ADGRL3: variants seen among roughly 807,000 people sequenced by gnomAD.
ADGRL3 encodes calcium-independent alpha-latrotoxin receptor 3.
In ADGRL3, 62 loss-of-function variants were observed where a neutral mutation model predicts 153.5. The observed-to-expected ratio is 0.40, with a 90% CI of 0.33 to 0.50. ADGRL3 has a LOEUF of 0.50. Among genes scored for constraint, ADGRL3 ranks in the 20% least tolerant of loss-of-function variants. ADGRL3 has a pLI of 0.47. For synonymous variants in ADGRL3, 710 were observed against 672.5 expected (o/e 1.06, Z -0.86); for missense variants, 1,641 against 1,859.4 (o/e 0.88, Z 2.16).
intron 4 of ADGRL3, among the ~76,000 whole-genome samples, chr4:61,539,618 T>C (rs1391697788): frequency 6.6e-6 from 1 of 152,132 alleles, no homozygotes; most frequent in Non-Finnish European, 1.5e-5. Context: ...AACAGCGTGG[T>C]GTGCATCGTC....
At chr4:61,804,929 A>C (rs983514017) in intron 8 of ADGRL3, among the ~76,000 whole-genome samples, 2 of 145,766 alleles carry the variant, frequency 1.4e-5, no homozygotes, top group African/African-American at 5.1e-5. Context: ...GCCTTTATTT[A>C]TTTATTTATT....
At chr4:61,716,690 T>C (rs938636664) in intron 6 of ADGRL3, among the ~76,000 whole-genome samples, 1 of 152,068 alleles carries the variant, frequency 6.6e-6, no homozygotes, top group African/African-American at 2.4e-5. Flanking sequence ...ATAGATAATA[T>C]ATAGTTCACT....
chr4:61,845,499 T>TG (rs2098105570), intron 9 of ADGRL3, among the ~76,000 whole-genome samples: 1 of 151,656 alleles, frequency 6.6e-6, no homozygotes, highest in African/African-American at 2.4e-5. Context: ...TACAGGTGCA[T>TG]GCCACCATGC....
chr4:62,061,834 A>G (rs1251590811), intron 25 of ADGRL3, among the ~76,000 whole-genome samples: 1 of 152,012 alleles, frequency 6.6e-6, no homozygotes, highest in Non-Finnish European at 1.5e-5. Context: ...TGGTATGGGA[A>G]TACTACAGAT....
chr4:61,829,680 T>C (rs994444226), intron 9 of ADGRL3, among the ~76,000 whole-genome samples: 1 of 152,220 alleles, frequency 6.6e-6, no homozygotes, highest in East Asian at 1.9e-4. Flanking sequence ...TTTCATGTTA[T>C]GTGTTTTTTA....
At chr4:61,525,134 G>T (rs2152932347) in intron 4 of ADGRL3, among the ~76,000 whole-genome samples, 1 of 86,364 alleles carries the variant, frequency 1.2e-5, no homozygotes, top group South Asian at 5.4e-4. Flanking sequence ...TCAGTTAAAT[G>T]CTGTCATATT....
chr4:61,788,456 T>C (rs1454571215), intron 8 of ADGRL3, among the ~76,000 whole-genome samples: 2 of 152,076 alleles, frequency 1.3e-5, no homozygotes, highest in Non-Finnish European at 2.9e-5. Flanking sequence ...AGTCCTTCTC[T>C]CAGGAAGCCC....
At chr4:61,321,022 G>C (rs1048679318) in intron 1 of ADGRL3, among the ~76,000 whole-genome samples, 3 of 151,748 alleles carry the variant, frequency 2.0e-5, no homozygotes, top group Non-Finnish European at 2.9e-5. Flanking sequence ...GCCTTCTCTC[G>C]AGCTCTCTGT....
rs548548215 is a variant in ADGRL3, at chr4:62,071,704, G to A, written c.*796G>A. ...TGCAAGTTTGTCTACCAGTAAGAGA[G>A]CAAAGTTTCCTTCCTTTCTTCTCTT... On this transcript the variant is annotated 3_prime_UTR_variant, in exon 27 of 27. Coordinates refer to ENST00000683033, the MANE Select transcript of ADGRL3 (RefSeq NM_001387552.1). 7.0e-6 allele frequency: 3 copies of A among 425,760 alleles called. No homozygotes were observed. Among genetic ancestry groups the A allele is most frequent in the South Asian group, 3.5e-5 (2 of 56,858 alleles). The allele number at this position is 425,760 out of a possible 1,614,324, so 26.4% of individuals were successfully genotyped here.
At position 61,720,403 on chromosome 4, in the gene ADGRL3, T is replaced by A. The variant is rs562802349; in HGVS notation, c.584-10219T>A. Among the ~76,000 whole-genome samples, 4 of 152,194 alleles carry A rather than the reference T, an allele frequency of 2.6e-5. No individual in the cohort carries two copies. The South Asian group carries it at 8.3e-4, about 32-fold the overall frequency. On this transcript the variant is annotated intron_variant, in intron 6 of 26. Coordinates refer to ENST00000683033, the MANE Select transcript of ADGRL3 (RefSeq NM_001387552.1). ...ATGCCCGACTAGAGTGACACTTTTT[T>A]AAGATAAGTTATTCCTAGTTACTGA...
intron 6 of ADGRL3, 87 bp from the exon 7 acceptor site, chr4:61,730,535 G>T: frequency 2.9e-6 from 1 of 342,890 alleles, no homozygotes; most frequent in Non-Finnish European, 5.7e-6. Flanking sequence ...CAGTTTGGAA[G>T]AGGTGAATAA....
chr4:61,669,450 T>G (rs937709438), intron 5 of ADGRL3, among the ~76,000 whole-genome samples: 1 of 152,198 alleles, frequency 6.6e-6, no homozygotes, highest in Non-Finnish European at 1.5e-5. Flanking sequence ...CTATTTATGT[T>G]TTCTTCTATT....
intron 1 of ADGRL3, among the ~76,000 whole-genome samples, chr4:61,226,967 C>T (rs1420761343): frequency 9.2e-5 from 14 of 152,170 alleles, no homozygotes; most frequent in Non-Finnish European, 2.1e-4. Flanking sequence ...CATATTTAAT[C>T]TCTTTTAGAT....
chr4:61,610,945 T>C (rs2091258207), intron 5 of ADGRL3, among the ~76,000 whole-genome samples: 1 of 151,896 alleles, frequency 6.6e-6, no homozygotes, highest in Non-Finnish European at 1.5e-5. Flanking sequence ...TTTAATATTC[T>C]TAGGCATAGA....
chr4:62,071,278 G>C lies in ADGRL3; in HGVS notation c.*370G>C, dbSNP rs1296262602. The stretch of plus-strand genomic sequence containing the variant: ...AATTACAAGGACCTGCTTTTTAAAA[G>C]GCCAGAACAATTGTCTGAAATTAGT... On this transcript the variant is annotated 3_prime_UTR_variant, in exon 27 of 27. Coordinates refer to ENST00000683033, the MANE Select transcript of ADGRL3 (RefSeq NM_001387552.1). The C allele has an allele frequency of 5.5e-6, 1 of 181,756 alleles. No individual in the cohort carries two copies. Among genetic ancestry groups the C allele is most frequent in the Non-Finnish European group, 1.2e-5 (1 of 85,566 alleles). 11.3% of individuals were successfully genotyped at this position (181,756 alleles called of 1,614,324 possible).
chr4:61,554,255 G>T (rs376138605), intron 4 of ADGRL3, among the ~76,000 whole-genome samples: 4 of 151,214 alleles, frequency 2.6e-5, no homozygotes, highest in Admixed American at 6.6e-5. Context: ...GTGCAGTGGC[G>T]CATTCTTGGC....
intron 11 of ADGRL3, among the ~76,000 whole-genome samples, chr4:61,904,131 A>G (rs1332104298): frequency 6.6e-6 from 1 of 150,882 alleles, no homozygotes; most frequent in Non-Finnish European, 1.5e-5. Flanking sequence ...TTGTTGTTAA[A>G]CATTGAGTTC....
At chr4:61,855,384 A>G (rs527252682) in intron 9 of ADGRL3, among the ~76,000 whole-genome samples, 22 of 152,132 alleles carry the variant, frequency 1.4e-4, no homozygotes, top group Non-Finnish European at 3.1e-4. Flanking sequence ...ATTGAAGACT[A>G]TTTTCTGGAA....
chr4:61,404,533 T>A (rs1220948468), intron 2 of ADGRL3, among the ~76,000 whole-genome samples: 1 of 152,098 alleles, frequency 6.6e-6, no homozygotes, highest in Non-Finnish European at 1.5e-5. Context: ...TAGAATCATG[T>A]CATTGAGCAT....
Sources: allele counts gnomAD v4.1 joint callset (sites outside exome capture counted in the v4.1 genomes callset), GRCh38; gene constraint gnomAD v4.1.1; transcripts MANE v1.5; gene names NCBI Gene and HGNC (gene_info 2026-07-23, HGNC 2026-07-21).